DPF1: variants seen among roughly 807,000 people sequenced by gnomAD.
DPF1 encodes double PHD fingers 1.
In DPF1, 14 loss-of-function variants were observed where a neutral mutation model predicts 58.7. That is an observed-to-expected ratio of 0.24 (90% CI 0.16 to 0.37). DPF1 has a LOEUF of 0.37. Ranked by LOEUF, DPF1 falls within the 10% of genes least tolerant of loss-of-function variation. The pLI is 1.00. For missense variants in DPF1, 345 were observed against 529.9 expected (o/e 0.65, Z 3.43); for synonymous variants, 216 against 216.0 (o/e 1.00, Z 0.00).
At chr19:38,214,769 C>T (rs1048837879) in intron 9 of DPF1, among the ~76,000 whole-genome samples, 20 of 151,714 alleles carry the variant, frequency 1.3e-4, no homozygotes, top group African/African-American at 4.1e-4. Flanking sequence ...CAGGCTCCAG[C>T]GATCCTCCCA....
chr19:38,217,944 C>T, intron 5 of DPF1, 68 bp from the exon 6 acceptor site: 1 of 1,542,258 alleles, frequency 6.5e-7, no homozygotes, highest in Non-Finnish European at 8.9e-7. Context: ...TGGCTCACAC[C>T]TGTAATCCCA....
chr19:38,222,411 G>C lies in DPF1; in HGVS notation c.244C>G (p.Arg82Gly). The C allele has an allele frequency of 6.3e-7, 1 of 1,587,384 alleles. No homozygotes were observed. Among genetic ancestry groups the C allele is most frequent in the Non-Finnish European group, 8.5e-7 (1 of 1,172,882 alleles). Residue 82 changes from arginine to glycine, a missense_variant, in exon 3 of 12, where the codon CGG becomes GGG. By Grantham distance (125) the Arg-to-Gly change is moderately radical. Transcript: ENST00000355526. This position sits in a 1 kb window ranked among gnomAD's most constrained non-coding sequence, Gnocchi z 4.9. Reference sequence around the variant, plus strand: ...GGGTCCTCCAGGATGTTGAGTCTCCGTTTCTTCCTCCAACAGCGGGCGGGG... The same window carrying C: ...GGGTCCTCCAGGATGTTGAGTCTCCCTTTCTTCCTCCAACAGCGGGCGGGG... ...TYPARCWRKK[R>G]RLNILEDPRL... is the part of the protein sequence containing the mutation.
upstream of DPF1, among the ~76,000 whole-genome samples, chr19:38,225,365 G>A (rs111655890): frequency 0.23 from 34,228 of 151,946 alleles, 3,909 homozygotes; most frequent in African/African-American, 0.25. Context: ...CCAGGAGTTT[G>A]AGACCAACCT....
intron 9 of DPF1, among the ~76,000 whole-genome samples, chr19:38,214,747 G>T (rs2146130092): frequency 6.6e-6 from 1 of 151,814 alleles, no homozygotes; most frequent in Admixed American, 6.6e-5. Flanking sequence ...GCACTCTGCA[G>T]CCTTGACCTC....
chr19:38,211,120 C>T lies in DPF1; in HGVS notation c.*943G>A. The T allele has an allele frequency of 6.5e-6, 1 of 152,908 alleles. No individual in the cohort carries two copies. The highest frequency in any genetic ancestry group is 1.5e-5 in the Non-Finnish European group (1 of 68,498). The allele number at this position is 152,908 out of a possible 1,614,324, so 9.5% of individuals were successfully genotyped here. On this transcript the variant is annotated 3_prime_UTR_variant, in exon 12 of 12. Coordinates refer to ENST00000355526, the MANE Select transcript of DPF1 (RefSeq NM_001135155.3). The surrounding 1 kb of genome is among the most constrained non-coding windows in gnomAD (Gnocchi z 4.0). ...GAGGGGGCACTCCTGGATTAGGGGA[C>T]ATCCCCCCAAAACCCACCACCTCCC...
chr19:38,224,115 T>C lies in DPF1; in HGVS notation c.28A>G (p.Ser10Gly). 6.7e-7 allele frequency: 1 copy of C among 1,496,272 alleles called. No individual in the cohort carries two copies. The highest frequency in any genetic ancestry group is 1.4e-5 in the South Asian group (1 of 73,162). 92.7% of individuals were successfully genotyped at this position (1,496,272 alleles called of 1,614,324 possible). A position where few individuals can be genotyped will look rare whatever the true frequency, so the allele number is the denominator to read the frequency against. ...CCGCCTCCCGCCGGCCCGCACCACC[T>C]CAGGGGGCCAGGGATGACAGTGGCC... MATVIPGPLSLGEDFYREAI... is the reference protein window; with the variant it reads MATVIPGPLGLGEDFYREAI... The change falls in exon 1 of 12, where the codon AGC (serine) becomes GGC (glycine). Residue 10 changes from serine to glycine, a missense_variant and splice_region_variant. Transcript: ENST00000355526. This position sits in a 1 kb window ranked among gnomAD's most constrained non-coding sequence, Gnocchi z 4.5.
At chr19:38,212,237 T>TGGGGGGGGGGGGGCGC in intron 11 of DPF1, 43 bp downstream of exon 11, 1 of 1,256,814 alleles carries the variant, frequency 8.0e-7, no homozygotes, top group East Asian at 2.6e-5. Flanking sequence ...GGAGATGGCG[T>TGGGGGGGGGGGGGCGC]TCCCACCCAC....
At chr19:38,218,452 C>T (rs1967199236) in intron 5 of DPF1, 121 bp downstream of exon 5, 1 of 1,030,468 alleles carries the variant, frequency 9.7e-7, no homozygotes, top group Admixed American at 1.9e-5. Flanking sequence ...GCAGGCCGCT[C>T]TGGGGATTCA....
intron 1 of DPF1, chr19:38,223,789 G>A (rs1967672810): frequency 3.9e-6 from 1 of 258,856 alleles, no homozygotes; most frequent in African/African-American, 2.2e-5. Context: ...AGGTAGTGTG[G>A]ACTTCACTCC....
At chr19:38,212,439 C>A in intron 10 of DPF1, 78 bp from the exon 11 acceptor site, 1 of 577,094 alleles carries the variant, frequency 1.7e-6, no homozygotes, top group Non-Finnish European at 3.0e-6. Context: ...GGGGCAGGGG[C>A]TAGGTCAAGG....
intron 5 of DPF1, among the ~76,000 whole-genome samples, chr19:38,218,330 T>C (rs2384780): frequency 0.75 from 114,364 of 152,258 alleles, 44,112 homozygotes; most frequent in African/African-American, 0.93. Context: ...CTCTGTGGCA[T>C]GGGGATGAAG....
In DPF1 at chr19:38,224,072, C is replaced by A; in HGVS notation, c.29+42G>T. 5 of 1,495,046 alleles carry A rather than the reference C, an allele frequency of 3.3e-6. No homozygotes were observed. Among genetic ancestry groups the A allele is most frequent in the Non-Finnish European group, 4.4e-6 (5 of 1,135,672 alleles). The allele number at this position is 1,495,046 out of a possible 1,614,324, so 92.6% of individuals were successfully genotyped here. A position where few individuals can be genotyped will look rare whatever the true frequency, so the allele number is the denominator to read the frequency against. On this transcript the variant is annotated intron_variant, in intron 1 of 11. Coordinates refer to ENST00000355526, the MANE Select transcript of DPF1 (RefSeq NM_001135155.3). This position sits in a 1 kb window ranked among gnomAD's most constrained non-coding sequence, Gnocchi z 4.5. The stretch of plus-strand genomic sequence containing the variant: ...CCACACACACACAGGCCCGCGTAGA[C>A]CCGCCCGCGCTTCCTCTCCGCCTCC...
chr19:38,219,102 C>T lies in DPF1; in HGVS notation c.299-44G>A, dbSNP rs752768473. 4.1e-5 allele frequency: 66 copies of T among 1,607,964 alleles called. No homozygotes were observed. The East Asian group carries it at 1.2e-3, about 28-fold the overall frequency. ...GGGGGTCAGATGGGGAAGTTGACCC[C>T]GGAGGACTCCTCAAACTATGCAGGT... is the stretch of plus-strand genomic sequence containing the variant. On this transcript the variant is annotated intron_variant, in intron 3 of 11. Transcript: ENST00000355526.
rs1192486297 is a variant in DPF1, at chr19:38,211,226, C to G, written c.*837G>C. 6.6e-6 allele frequency: 1 copy of G among 152,294 alleles called. No individual in the cohort carries two copies. Among genetic ancestry groups the G allele is most frequent in the Non-Finnish European group, 1.5e-5 (1 of 68,112 alleles). The allele number at this position is 152,294 out of a possible 1,614,324, so 9.4% of individuals were successfully genotyped here. On this transcript the variant is annotated 3_prime_UTR_variant, in exon 12 of 12. Transcript: ENST00000355526. This position sits in a 1 kb window ranked among gnomAD's most constrained non-coding sequence, Gnocchi z 4.0. ...CACAAGAAACAACCACGCCCCCTCA[C>G]TCCCCCAAAATGGCCAGCGAGGGGG...
At chr19:38,218,491 CA>C in intron 5 of DPF1, 81 bp downstream of exon 5, 3 of 1,438,410 alleles carry the variant, frequency 2.1e-6, no homozygotes, top group Non-Finnish European at 2.9e-6. Flanking sequence ...CAGACTGTGG[CA>C]GGGGCGGACC....
At chr19:38,224,561 A>G (rs1201772217), upstream of DPF1, among the ~76,000 whole-genome samples, 2 of 152,170 alleles carry the variant, frequency 1.3e-5, no homozygotes, top group Non-Finnish European at 2.9e-5. This position sits in a 1 kb window ranked among gnomAD's most constrained non-coding sequence, Gnocchi z 4.5. Flanking sequence ...AGCCACACGC[A>G]CACACACTGC....
rs1348563634 is a variant in DPF1, at chr19:38,229,232, C to T, written c.-132+327G>A. 6.6e-6 allele frequency among the ~76,000 whole-genome samples: 1 copy of T among 152,102 alleles called. No homozygotes were observed. The highest frequency in any genetic ancestry group is 1.5e-5 in the Non-Finnish European group (1 of 67,980). Reference sequence around the variant, plus strand: ...CCCGGCCGGGGCAGGCCCGGCACCTCCGGAGACCCTGAGGGAGAGATGGAG... The same window carrying T: ...CCCGGCCGGGGCAGGCCCGGCACCTTCGGAGACCCTGAGGGAGAGATGGAG... On this transcript the variant is annotated intron_variant, in intron 1 of 11. Transcript: ENST00000412732. The surrounding 1 kb of genome is among the most constrained non-coding windows in gnomAD (Gnocchi z 5.3).
chr19:38,211,959 C>T lies in DPF1; in HGVS notation c.*104G>A. ...GGCCCAGCCCCCTCTCGGCTTCCCC[C>T]TCTCCCCCTCCCCCTGCGGGATGTT... On this transcript the variant is annotated 3_prime_UTR_variant, in exon 12 of 12. Transcript: ENST00000355526. The surrounding 1 kb of genome is among the most constrained non-coding windows in gnomAD (Gnocchi z 4.0). 4 of 1,358,270 alleles carry T rather than the reference C, an allele frequency of 2.9e-6. No homozygotes were observed. In the South Asian group the frequency reaches 5.2e-5, roughly 18 times the overall value. The allele number at this position is 1,358,270 out of a possible 1,614,324, so 84.1% of individuals were successfully genotyped here. A position where few individuals can be genotyped will look rare whatever the true frequency, so the allele number is the denominator to read the frequency against.
At chr19:38,220,310 AAGAAAGAAAGAAAG>A (rs1267345139) in intron 3 of DPF1, among the ~76,000 whole-genome samples, 10 of 99,192 alleles carry the variant, frequency 1.0e-4, no homozygotes, top group African/African-American at 1.7e-4. Context: ...AAGAAAGAGA[AAGAAAGAAAGAAAG>A]AGAAAGAAAG....
Sources: gnomAD v4.1 joint callset for allele counts (sites outside exome capture counted in the v4.1 genomes callset) on GRCh38, gnomAD v4.1.1 for gene constraint, Gnocchi (gnomAD v3.1) non-coding constraint, MANE v1.5 for transcripts, NCBI Gene and HGNC (gene_info 2026-07-23, HGNC 2026-07-21) for gene names.